The following COL25A1 variants were observed in gnomAD, a reference collection of about 807,000 sequenced individuals.
COL25A1 encodes the protein collagen alpha-1(XXV) chain.
In COL25A1, 103 loss-of-function variants were observed where a neutral mutation model predicts 128.4. The ratio of observed to expected loss-of-function variants is 0.80; its 90% CI spans 0.68 to 0.94. The LOEUF is 0.94. COL25A1 is among the 40% of genes least tolerant of loss of function. COL25A1 has a pLI of 0.00. For synonymous variants in COL25A1, 279 were observed against 277.2 expected (o/e 1.01, Z -0.06); for missense variants, 745 against 840.0 (o/e 0.89, Z 1.40).
chr4:108,818,185 C>T (rs531571147), intron 36 of COL25A1, among the ~76,000 whole-genome samples: 1 of 152,180 alleles, frequency 6.6e-6, no homozygotes, highest in East Asian at 1.9e-4. Flanking sequence ...TTCTACTTTT[C>T]CACCAACAAA....
intron 8 of COL25A1, among the ~76,000 whole-genome samples, chr4:108,973,487 G>A (rs10025218): frequency 0.027 from 4,046 of 152,284 alleles, 130 homozygotes; most frequent in African/African-American, 0.075. Flanking sequence ...ATATCTCTAT[G>A]CAGTATAAAT....
intron 3 of COL25A1, among the ~76,000 whole-genome samples, chr4:109,128,106 C>G (rs1768805544): frequency 6.6e-6 from 1 of 152,112 alleles, no homozygotes; most frequent in Non-Finnish European, 1.5e-5. Context: ...AAGAAGGTAA[C>G]AGTAGCCTAA....
rs565197452 is a variant in COL25A1, at chr4:108,828,849, C to T, written c.1711-1661G>A. Among the ~76,000 whole-genome samples the T allele has an allele frequency of 9.2e-5, 14 of 152,272 alleles. No homozygotes were observed. The South Asian group carries it at 2.3e-3, about 25-fold the overall frequency. ...CGCCAGGTTCAGCTGATAACAGTGCCTGCAGAGCCACCTGATATGCCTGTG... is the reference window on the plus strand; with the variant it reads ...CGCCAGGTTCAGCTGATAACAGTGCTTGCAGAGCCACCTGATATGCCTGTG... On this transcript the variant is annotated intron_variant, in intron 32 of 37. Coordinates refer to ENST00000399132, the MANE Select transcript of COL25A1 (RefSeq NM_198721.4).
chr4:109,019,901 C>A (rs1454385118), intron 5 of COL25A1, among the ~76,000 whole-genome samples: 1 of 152,118 alleles, frequency 6.6e-6, no homozygotes, highest in African/African-American at 2.4e-5. Context: ...AAATTACTTT[C>A]TAGTTTGATT....
intron 6 of COL25A1, among the ~76,000 whole-genome samples, chr4:108,982,430 A>C (rs551785016): frequency 6.6e-6 from 1 of 152,272 alleles, no homozygotes; most frequent in Non-Finnish European, 1.5e-5. Flanking sequence ...AGGCCCTAGA[A>C]CCACCTAGTC....
chr4:108,896,408 G>C (rs1009390262), intron 16 of COL25A1, among the ~76,000 whole-genome samples: 1 of 152,032 alleles, frequency 6.6e-6, no homozygotes, highest in Non-Finnish European at 1.5e-5. Context: ...CCATATTACT[G>C]AAAACTTAGC....
chr4:109,123,876 A>C (rs560119670), intron 3 of COL25A1, among the ~76,000 whole-genome samples: 1 of 152,088 alleles, frequency 6.6e-6, no homozygotes, highest in Non-Finnish European at 1.5e-5. Context: ...CCTGATCCTG[A>C]TTTGTGTGCC....
At chr4:108,818,543 C>T (rs2125706586) in intron 36 of COL25A1, among the ~76,000 whole-genome samples, 1 of 152,208 alleles carries the variant, frequency 6.6e-6, no homozygotes, top group African/African-American at 2.4e-5. Flanking sequence ...GGAGAAGGTT[C>T]AACCAGCAGA....
At position 108,819,286 on chromosome 4, in the gene COL25A1, G is replaced by C. The variant is rs781602978; in HGVS notation, c.1889C>G (p.Pro630Arg). 22 of 1,613,488 alleles carry C rather than the reference G, an allele frequency of 1.4e-5. No individual in the cohort carries two copies. The highest frequency in any genetic ancestry group is 1.9e-5 in the Non-Finnish European group (22 of 1,179,780). Residue 630 changes from proline (P) to arginine (R), a missense_variant, in exon 36 of 38, where the codon CCT becomes CGT. Physicochemically the swap from Pro to Arg is moderately radical, Grantham distance 103 (BLOSUM62 -2). This residue lies in a region of COL25A1 where 387 missense variants were observed against 441.9 expected (regional missense o/e 0.88). Coordinates refer to ENST00000399132, the MANE Select transcript of COL25A1 (RefSeq NM_198721.4). Reference sequence around the variant, plus strand: ...AGGGGCATCCAGCCCATCCAGGCCAGGCTGGCCTGGCTCCCCTTTTTCCCC... The same window carrying C: ...AGGGGCATCCAGCCCATCCAGGCCACGCTGGCCTGGCTCCCCTTTTTCCCC... The part of the protein sequence containing the change: ...VKGEKGEPGQ[P>R]GLDGLDAPCQ...
chr4:109,301,211 T>TA (rs1299785064), intron 2 of COL25A1, among the ~76,000 whole-genome samples: 297 of 151,638 alleles, frequency 2.0e-3, no homozygotes, highest in African/African-American at 6.8e-3. Flanking sequence ...TAAAGCTACT[T>TA]TAAAAAAAAA....
intron 8 of COL25A1, among the ~76,000 whole-genome samples, chr4:108,955,939 G>A (rs1436496899): frequency 6.6e-6 from 1 of 152,002 alleles, no homozygotes; most frequent in Non-Finnish European, 1.5e-5. Flanking sequence ...ATATAAATGT[G>A]TTTTAGCCAA....
intron 17 of COL25A1, among the ~76,000 whole-genome samples, 162 bp from the exon 18 acceptor site, chr4:108,889,418 T>C (rs1400330672): frequency 8.9e-5 from 1 of 11,214 alleles, no homozygotes; most frequent in African/African-American, 2.2e-4. Flanking sequence ...GACATACGGA[T>C]TTTTTTTTTT....
intron 3 of COL25A1, among the ~76,000 whole-genome samples, chr4:109,268,552 T>C (rs1781949892): frequency 6.6e-6 from 1 of 152,178 alleles, no homozygotes; most frequent in Admixed American, 6.5e-5. Flanking sequence ...TGAACCTGTG[T>C]AAACCTTTTA....
chr4:108,885,729 A>T (rs1217519995), intron 18 of COL25A1, among the ~76,000 whole-genome samples: 4 of 152,208 alleles, frequency 2.6e-5, no homozygotes, highest in Admixed American at 2.6e-4. Context: ...AGTAAATTGC[A>T]ATAGAATATA....
chr4:109,279,161 G>C (rs1009293175), intron 3 of COL25A1, among the ~76,000 whole-genome samples: 1 of 152,064 alleles, frequency 6.6e-6, no homozygotes, highest in Non-Finnish European at 1.5e-5. Context: ...CAAAAAATCA[G>C]TTTATCCTCC....
intron 35 of COL25A1, 96 bp downstream of exon 35, chr4:108,824,078 A>G (rs768066437): frequency 1.2e-5 from 20 of 1,613,502 alleles, no homozygotes; most frequent in Non-Finnish European, 7.6e-6. Context: ...CAGGATGGAG[A>G]AAGATTAAGT....
At chr4:108,841,088 G>A (rs535544434) in intron 31 of COL25A1, among the ~76,000 whole-genome samples, 19 of 152,258 alleles carry the variant, frequency 1.2e-4, no homozygotes, top group African/African-American at 4.3e-4. Flanking sequence ...AAGGACAGGT[G>A]GAGACCATCT....
At chr4:109,224,682 G>A (rs190367882) in intron 3 of COL25A1, among the ~76,000 whole-genome samples, 137 of 152,266 alleles carry the variant, frequency 9.0e-4, no homozygotes, top group Non-Finnish European at 1.4e-3. Context: ...GCTCACACCT[G>A]TAATCTCAGC....
chr4:108,834,945 C>A (rs1158424567), intron 31 of COL25A1, among the ~76,000 whole-genome samples: 1 of 152,126 alleles, frequency 6.6e-6, no homozygotes, highest in African/African-American at 2.4e-5. Flanking sequence ...AATAATTACT[C>A]ATTGTTTTCT....
Sources: allele counts gnomAD v4.1 joint callset (sites outside exome capture counted in the v4.1 genomes callset), GRCh38; gene constraint gnomAD v4.1.1; regional missense constraint gnomAD v4.1.1; transcripts MANE v1.5; gene names NCBI Gene and HGNC (gene_info 2026-07-23, HGNC 2026-07-21).